The following IQCM variants were observed in gnomAD, a reference collection of about 807,000 sequenced individuals.
IQCM encodes the protein IQ domain-containing protein M.
Under a neutral mutation model 57.6 loss-of-function variants are expected in IQCM, and 45 were observed. The observed-to-expected ratio is 0.78, with a 90% confidence interval of 0.62 to 1.00. IQCM has a LOEUF of 1.00. IQCM is among the 50% of genes least tolerant of loss of function. The pLI is 0.00. For synonymous variants in IQCM, 148 were observed against 158.9 expected (o/e 0.93, Z 0.51); for missense variants, 468 against 511.6 (o/e 0.91, Z 0.82).
chr4:149,757,348 T>C (rs1769071675), intron 2 of IQCM, among the ~76,000 whole-genome samples: 1 of 150,466 alleles, frequency 6.6e-6, no homozygotes, highest in African/African-American at 2.4e-5. Flanking sequence ...AAAATAAATA[T>C]AAATTAATAA....
chr4:149,809,473 A>G (rs1317487919), intron 2 of IQCM, among the ~76,000 whole-genome samples: 1 of 152,160 alleles, frequency 6.6e-6, no homozygotes, highest in Non-Finnish European at 1.5e-5. Context: ...ATTTTAATTG[A>G]CTTAAAGATT....
chr4:149,558,974 C>A (rs1217935511), intron 10 of IQCM, among the ~76,000 whole-genome samples: 1 of 152,096 alleles, frequency 6.6e-6, no homozygotes, highest in Non-Finnish European at 1.5e-5. Flanking sequence ...TGGACTCTAC[C>A]TTCGTTCCTT....
intron 2 of IQCM, among the ~76,000 whole-genome samples, chr4:149,775,551 A>T (rs910689036): frequency 1.3e-5 from 2 of 152,112 alleles, no homozygotes; most frequent in Admixed American, 1.3e-4. Context: ...TTGTCAACAC[A>T]GGTCATAAAC....
chr4:149,550,447 T>A (rs558821855), intron 11 of IQCM, among the ~76,000 whole-genome samples: 1 of 152,318 alleles, frequency 6.6e-6, no homozygotes, highest in African/African-American at 2.4e-5. Flanking sequence ...ATTAAGTAAA[T>A]GTATTTCTCC....
intron 3 of IQCM, among the ~76,000 whole-genome samples, chr4:149,738,151 C>T (rs1302803536): frequency 6.6e-6 from 1 of 152,182 alleles, no homozygotes; most frequent in East Asian, 1.9e-4. Flanking sequence ...CACAGCAGTG[C>T]TGCGGCTCTG....
At chr4:149,419,409 T>C (rs1214030298) in intron 13 of IQCM, among the ~76,000 whole-genome samples, 1 of 152,138 alleles carries the variant, frequency 6.6e-6, no homozygotes, top group Non-Finnish European at 1.5e-5. Flanking sequence ...CCCTAATTAC[T>C]AAGTAGTTCT....
At chr4:149,487,840 A>ACT (rs764641323) in intron 12 of IQCM, among the ~76,000 whole-genome samples, 7 of 150,886 alleles carry the variant, frequency 4.6e-5, no homozygotes, top group Admixed American at 3.3e-4. Flanking sequence ...GCGATTCAAG[A>ACT]CTCTCTCTCT....
chr4:149,384,045 T>C (rs1436732468), intron 13 of IQCM, among the ~76,000 whole-genome samples: 2 of 152,174 alleles, frequency 1.3e-5, no homozygotes, highest in African/African-American at 2.4e-5. Context: ...GTAGGACAGA[T>C]GATAAAAAGT....
chr4:149,632,872 C>T (rs1459324665), intron 7 of IQCM, among the ~76,000 whole-genome samples: 2 of 152,154 alleles, frequency 1.3e-5, no homozygotes, highest in Non-Finnish European at 2.9e-5. Context: ...AAATATAAAG[C>T]AAATATCGGC....
intron 13 of IQCM, among the ~76,000 whole-genome samples, chr4:149,357,879 AT>A (rs1216621536): frequency 1.3e-5 from 2 of 151,878 alleles, no homozygotes; most frequent in Admixed American, 6.6e-5. Context: ...TGGTCCTGGA[AT>A]TTTTTTGGTT....
chr4:149,458,223 C>T (rs892028661), intron 12 of IQCM, among the ~76,000 whole-genome samples: 1 of 151,836 alleles, frequency 6.6e-6, no homozygotes, highest in Non-Finnish European at 1.5e-5. Context: ...CATTAGCCAC[C>T]TGAGAAATAA....
chr4:149,526,739 T>C (rs1319119367), intron 12 of IQCM, among the ~76,000 whole-genome samples: 2 of 152,082 alleles, frequency 1.3e-5, no homozygotes, highest in Non-Finnish European at 2.9e-5. Flanking sequence ...GAAAGTTCTA[T>C]GAAAAAATAT....
At chr4:149,385,843 C>T (rs927421370) in intron 13 of IQCM, among the ~76,000 whole-genome samples, 2 of 152,116 alleles carry the variant, frequency 1.3e-5, no homozygotes, top group African/African-American at 4.8e-5. Flanking sequence ...ACCACATTTA[C>T]TATTACATTA....
intron 9 of IQCM, among the ~76,000 whole-genome samples, chr4:149,579,166 T>G (rs1751936299): frequency 6.6e-6 from 1 of 151,732 alleles, no homozygotes; most frequent in Admixed American, 6.6e-5. Flanking sequence ...CACCTTCTTC[T>G]TGAACTAGGC....
intron 12 of IQCM, among the ~76,000 whole-genome samples, chr4:149,480,253 C>T (rs1740635507): frequency 6.6e-6 from 1 of 151,984 alleles, no homozygotes. Flanking sequence ...GGATGCAATG[C>T]ATAATAAACA....
chr4:149,781,161 G>T (rs540019414), intron 2 of IQCM, among the ~76,000 whole-genome samples: 1 of 152,284 alleles, frequency 6.6e-6, no homozygotes, highest in Non-Finnish European at 1.5e-5. Flanking sequence ...TGATGAAGTT[G>T]TAGCTTCAAT....
chr4:149,652,549 CA>C (rs371660059), intron 7 of IQCM, among the ~76,000 whole-genome samples: 4 of 151,344 alleles, frequency 2.6e-5, no homozygotes, highest in African/African-American at 2.4e-5. Flanking sequence ...AACAAACCAA[CA>C]AAAAGGATAT....
chr4:149,670,728 A>G (rs1041166596), intron 7 of IQCM, among the ~76,000 whole-genome samples: 1 of 152,072 alleles, frequency 6.6e-6, no homozygotes, highest in African/African-American at 2.4e-5. Context: ...GCATCTATTG[A>G]GATAATGTTG....
At chr4:149,469,756 C>T (rs1739296265) in intron 12 of IQCM, among the ~76,000 whole-genome samples, 1 of 152,184 alleles carries the variant, frequency 6.6e-6, no homozygotes, top group Admixed American at 6.5e-5. Context: ...GGAAGCCCAT[C>T]AGACTAACAG....
Sources: gnomAD v4.1 joint callset for allele counts (sites outside exome capture counted in the v4.1 genomes callset) on GRCh38, gnomAD v4.1.1 for gene constraint, MANE v1.5 for transcripts, NCBI Gene and HGNC (gene_info 2026-07-23, HGNC 2026-07-21) for gene names.